Variants in RBL2 observed in about 807,000 individuals in gnomAD.
RBL2 encodes RB transcriptional corepressor like 2.
Under a neutral mutation model 126.0 loss-of-function variants are expected in RBL2, and 56 were observed. The ratio of observed to expected loss-of-function variants is 0.44; its 90% CI spans 0.36 to 0.56. The LOEUF (loss-of-function observed/expected upper bound fraction) is 0.56. Among genes scored for constraint, RBL2 ranks in the 20% least tolerant of loss-of-function variants. The pLI is 0.00. For missense variants in RBL2, 1,229 were observed against 1,398.2 expected, an observed-to-expected ratio of 0.88 and a Z score of 1.93; for synonymous variants, 454 against 478.5, an observed-to-expected ratio of 0.95 and a Z score of 0.67.
chr16:53,442,795 T>G lies in RBL2; in HGVS notation c.509T>G (p.Phe170Cys). ...AVIFKKYEPI[F>C]QDIFKYPQEE... is the part of the protein sequence containing the mutation. ...ATTTTTAAGAAATATGAACCCATTT[T>G]TCAGGACATCTTTAAATACCCTCAA... The change falls in exon 3 of 22, where the codon TTT becomes TGT. Residue 170 changes from phenylalanine to cysteine, a missense_variant. This residue lies in a region of RBL2 where 1,070 missense variants were observed against 1,274.3 expected (regional missense o/e 0.84). Coordinates refer to ENST00000262133, the MANE Select transcript of RBL2 (RefSeq NM_005611.4). 6.2e-7 allele frequency: 1 copy of G among 1,613,706 alleles called. No individual in the cohort carries two copies. The highest frequency in any genetic ancestry group is 8.5e-7 in the Non-Finnish European group (1 of 1,179,674).
At chr16:53,458,864 T>G (rs954635015) in intron 8 of RBL2, among the ~76,000 whole-genome samples, 1 of 152,160 alleles carries the variant, frequency 6.6e-6, no homozygotes, top group Non-Finnish European at 1.5e-5. Flanking sequence ...ATAATTCAAT[T>G]ACCTCCCACT....
chr16:53,451,340 T>C (rs1350768285), intron 4 of RBL2, among the ~76,000 whole-genome samples: 1 of 152,058 alleles, frequency 6.6e-6, no homozygotes, highest in African/African-American at 2.4e-5. Flanking sequence ...ACTCCATCTC[T>C]AAAAAAAGTT....
At chr16:53,474,301 T>TTTTATTTA (rs58302976) in intron 17 of RBL2, among the ~76,000 whole-genome samples, 3,132 of 149,892 alleles carry the variant, frequency 0.021, 120 homozygotes, top group African/African-American at 0.073. Flanking sequence ...GCTGTAATTC[T>TTTTATTTA]TTTATTTATT....
Position 53,444,223 on chromosome 16 carries a change from C to T in RBL2, c.572+1365C>T, listed in dbSNP as rs558937811. 9.9e-5 allele frequency among the ~76,000 whole-genome samples: 15 copies of T among 151,932 alleles called. No homozygotes were observed. The East Asian group carries it at 1.5e-3, about 16-fold the overall frequency. On this transcript the variant is annotated intron_variant, in intron 3 of 21. Transcript: ENST00000262133. ...TCGTACCATTGCATTCGAGCCTGGG[C>T]GACAAGAATGAAACTCCATCTCATA...
At chr16:53,454,237 C>T (rs1420208678) in intron 7 of RBL2, 6 of 453,300 alleles carry the variant, frequency 1.3e-5, no homozygotes, top group Non-Finnish European at 2.2e-5. Context: ...TGGAGTCTCG[C>T]TGTGTCGCCC....
At chr16:53,464,401 G>A (rs1447327159) in intron 12 of RBL2, 38 bp downstream of exon 12, 2 of 1,482,454 alleles carry the variant, frequency 1.3e-6, no homozygotes, top group Non-Finnish European at 1.8e-6. Flanking sequence ...GGATATTGTA[G>A]ATGAGACCAA....
chr16:53,455,464 C>T (rs1226663469), intron 8 of RBL2, among the ~76,000 whole-genome samples: 2 of 152,210 alleles, frequency 1.3e-5, no homozygotes, highest in African/African-American at 4.8e-5. Context: ...ATTCCTAAAG[C>T]ATTTTATATG....
At chr16:53,439,639 CAG>C (rs1415089708) in intron 2 of RBL2, among the ~76,000 whole-genome samples, 3 of 151,982 alleles carry the variant, frequency 2.0e-5, no homozygotes, top group African/African-American at 7.3e-5. Flanking sequence ...AAAGAAGAGG[CAG>C]AAATTGCTTT....
At position 53,470,369 on chromosome 16, in the gene RBL2, T is replaced by G; in HGVS notation, c.2246-14T>G. ...TATCAACATTTTCTTCATGCTTTTT[T>G]TCTCTGTCACTAGGTATTGCCAATG... On this transcript the variant is annotated splice_polypyrimidine_tract_variant and intron_variant, in intron 15 of 21. Coordinates refer to ENST00000262133, the MANE Select transcript of RBL2 (RefSeq NM_005611.4). 6.2e-7 allele frequency: 1 copy of G among 1,604,770 alleles called. No individual in the cohort carries two copies.
intron 14 of RBL2, 83 bp downstream of exon 14, chr16:53,467,252 T>A: frequency 1.8e-6 from 2 of 1,130,358 alleles, no homozygotes; most frequent in South Asian, 2.6e-5. Context: ...GTGAAGTTAA[T>A]AGGGTATACA....
intron 14 of RBL2, 26 bp downstream of exon 14, chr16:53,467,195 T>G: frequency 6.4e-7 from 1 of 1,553,560 alleles, no homozygotes; most frequent in Non-Finnish European, 8.9e-7. Flanking sequence ...TAGGAGAATA[T>G]TTTGGGGCTT....
rs1386584781 is a variant in RBL2, at chr16:53,459,464, G to A, written c.1193G>A (p.Arg398Lys). The change falls in exon 9 of 22, where the codon AGA (arginine) becomes AAA (lysine). Residue 398 changes from arginine (R) to lysine (K), a missense_variant. Arg to Lys is a conservative substitution (Grantham distance 26). This residue lies in a region of RBL2 where 1,070 missense variants were observed against 1,274.3 expected (regional missense o/e 0.84). Coordinates refer to ENST00000262133, the MANE Select transcript of RBL2 (RefSeq NM_005611.4). ...QQHFDKSKAL[R>K]ISTPLTGVRY... Reference sequence around the variant, plus strand: ...TTTTTTCTTTAGTCCAAAGCACTTAGAATCTCCACACCACTAACTGGTGTT... The same window carrying A: ...TTTTTTCTTTAGTCCAAAGCACTTAAAATCTCCACACCACTAACTGGTGTT... The A allele has an allele frequency of 1.9e-6, 3 of 1,611,916 alleles. No individual in the cohort carries two copies. The African/African-American group carries it at 4.0e-5, about 22-fold the overall frequency.
intron 3 of RBL2, among the ~76,000 whole-genome samples, chr16:53,444,683 A>G (rs1266734379): frequency 6.6e-6 from 1 of 152,116 alleles, no homozygotes; most frequent in Non-Finnish European, 1.5e-5. Context: ...CCCCATCTCC[A>G]CTAAAAATAC....
At chr16:53,452,501 A>G (rs923000742) in intron 5 of RBL2, among the ~76,000 whole-genome samples, 9 of 152,312 alleles carry the variant, frequency 5.9e-5, no homozygotes, top group African/African-American at 1.7e-4. Flanking sequence ...CAGCTTGTCT[A>G]TCAAGGTAGA....
chr16:53,448,164 TA>T (rs913392150), intron 4 of RBL2, among the ~76,000 whole-genome samples: 18 of 27,042 alleles, frequency 6.7e-4, no homozygotes, highest in South Asian at 1.7e-3. Flanking sequence ...TACTTTATTT[TA>T]TTTTTTTTTT....
chr16:53,454,898 CTTT>C, intron 8 of RBL2, 56 bp downstream of exon 8: 2 of 1,403,258 alleles, frequency 1.4e-6, no homozygotes. Context: ...GCCAGGGGTT[CTTT>C]TTTATTTTGG....
chr16:53,457,737 A>C (rs1381392289), intron 8 of RBL2, among the ~76,000 whole-genome samples: 1 of 152,244 alleles, frequency 6.6e-6, no homozygotes, highest in Non-Finnish European at 1.5e-5. Flanking sequence ...CCCAAGTTAA[A>C]GATTCCTCTT....
At chr16:53,442,620 T>C in intron 2 of RBL2, 38 bp from the exon 3 acceptor site, 1 of 1,466,752 alleles carries the variant, frequency 6.8e-7, no homozygotes, top group Non-Finnish European at 9.5e-7. Flanking sequence ...TTTAGCCTTA[T>C]GTTAATTATG....
chr16:53,434,881 C>G (rs1359200117), intron 1 of RBL2, 85 bp downstream of exon 1: 1 of 1,393,856 alleles, frequency 7.2e-7, no homozygotes, highest in Non-Finnish European at 9.3e-7. Context: ...TCGAGAGACT[C>G]TCGGGCGGGT....
Sources: gnomAD v4.1 joint callset for allele counts (sites outside exome capture counted in the v4.1 genomes callset) on GRCh38, gnomAD v4.1.1 for gene constraint, gnomAD v4.1.1 regional missense constraint, MANE v1.5 for transcripts, NCBI Gene and HGNC (gene_info 2026-07-23, HGNC 2026-07-21) for gene names.